HRH1: variants seen among roughly 807,000 people sequenced by gnomAD.
HRH1 encodes histamine H1 receptor.
HRH1 carries 6 observed loss-of-function variants against 10.3 expected under a neutral mutation model. The observed-to-expected ratio is 0.58, with a 90% CI of 0.32 to 1.15. HRH1 has a LOEUF of 1.15. Ranked by LOEUF, HRH1 falls within the 50% of genes most tolerant of loss-of-function variation. The probability of loss-of-function intolerance (pLI) is 0.05; values close to 1 mark genes in which losing one functional copy is unlikely to be tolerated. For missense variants in HRH1, 514 were observed against 615.3 expected (o/e 0.84, Z 1.74); for synonymous variants, 242 against 236.7 (o/e 1.02, Z -0.21).
chr3:11,230,339 T>C (rs1175227863), intron 1 of HRH1, among the ~76,000 whole-genome samples: 1 of 152,188 alleles, frequency 6.6e-6, no homozygotes, highest in East Asian at 1.9e-4. Context: ...AAGAGGCAGC[T>C]TGCTGCTGGA....
Position 11,259,218 on chromosome 3 carries a change from G to A in HRH1, c.181G>A (p.Val61Met). Residue 61 changes from valine to methionine, a missense_variant, in exon 2 of 2, where the codon GTG (valine) becomes ATG (methionine). By Grantham distance (21) the Val-to-Met change is conservative. Coordinates refer to ENST00000431010, the MANE Select transcript of HRH1 (RefSeq NM_001098212.2). The surrounding 1 kb of genome is among the most constrained non-coding windows in gnomAD (Gnocchi z 4.6). ...ACGGAGTGAGCGGAAGCTCCACACT[G>A]TGGGGAACCTGTACATCGTCAGCCT... Reference protein sequence around the residue: ...AVRSERKLHTVGNLYIVSLSV... With the variant: ...AVRSERKLHTMGNLYIVSLSV... 6.2e-7 allele frequency: 1 copy of A among 1,613,802 alleles called. No individual in the cohort carries two copies. The highest frequency in any genetic ancestry group is 8.5e-7 in the Non-Finnish European group (1 of 1,179,968).
upstream of HRH1, among the ~76,000 whole-genome samples, chr3:11,153,507 C>T (rs576731286): frequency 6.6e-6 from 1 of 151,418 alleles, no homozygotes; most frequent in South Asian, 2.1e-4. Context: ...ACCCCCACAC[C>T]CCAACCCACC....
At chr3:11,184,091 G>C (rs1311140042) in intron 1 of HRH1, among the ~76,000 whole-genome samples, 2 of 152,054 alleles carry the variant, frequency 1.3e-5, no homozygotes, top group African/African-American at 4.8e-5. Flanking sequence ...TGCTCAGGCA[G>C]AGGGTGCCAA....
chr3:11,173,719 G>T (rs2125013822), intron 1 of HRH1, among the ~76,000 whole-genome samples: 1 of 152,194 alleles, frequency 6.6e-6, no homozygotes, highest in Non-Finnish European at 1.5e-5. Context: ...GAATTTATTT[G>T]ATCTTGGAGT....
intron 1 of HRH1, among the ~76,000 whole-genome samples, chr3:11,169,815 C>T (rs958013190): frequency 6.6e-6 from 1 of 152,224 alleles, no homozygotes; most frequent in Non-Finnish European, 1.5e-5. Context: ...CAGACAAGAA[C>T]TGCTCTGTTT....
At chr3:11,155,878 C>A (rs1397147612) in intron 1 of HRH1, among the ~76,000 whole-genome samples, 3 of 152,158 alleles carry the variant, frequency 2.0e-5, no homozygotes, top group Admixed American at 2.0e-4. Context: ...CCCATCACAG[C>A]ATTCTTGGAA....
intron 1 of HRH1, among the ~76,000 whole-genome samples, chr3:11,138,989 C>CTTTTTTT (rs35542980): frequency 7.1e-6 from 1 of 140,080 alleles, no homozygotes; most frequent in Non-Finnish European, 1.6e-5. Context: ...CTGCATTGTT[C>CTTTTTTT]TTTTTTTTTT....
intron 1 of HRH1, among the ~76,000 whole-genome samples, chr3:11,254,775 A>C (rs1453787951): frequency 6.6e-6 from 1 of 152,240 alleles, no homozygotes; most frequent in Non-Finnish European, 1.5e-5. Flanking sequence ...CATAGGCAGA[A>C]AATTCCTCAG....
intron 1 of HRH1, among the ~76,000 whole-genome samples, chr3:11,161,500 G>A (rs1936921366): frequency 6.6e-6 from 1 of 152,194 alleles, no homozygotes; most frequent in African/African-American, 2.4e-5. Context: ...GGACGTGATT[G>A]TTGATCCCAG....
rs139260163 is a variant in HRH1, at chr3:11,207,438, C to T, written c.-35-51565C>T. Among the ~76,000 whole-genome samples the T allele has an allele frequency of 6.0e-3, 916 of 152,016 alleles. 7 individuals are homozygous for T. The highest frequency in any genetic ancestry group is 0.02 in the Middle Eastern group (6 of 294). On this transcript the variant is annotated intron_variant, in intron 1 of 1. Coordinates refer to ENST00000431010, the MANE Select transcript of HRH1 (RefSeq NM_001098212.2). ...ACAAAAAATTAGCCGGGTGTGGTGG[C>T]GGCGCCTGTAGTCCTAGCTGCTCAG...
chr3:11,192,044 C>T (rs1574999312), intron 1 of HRH1, among the ~76,000 whole-genome samples: 1 of 152,186 alleles, frequency 6.6e-6, no homozygotes, highest in East Asian at 1.9e-4. Flanking sequence ...TGGGTTTCAT[C>T]CTGACTCCCA....
At chr3:11,174,798 G>A (rs1379214688) in intron 1 of HRH1, among the ~76,000 whole-genome samples, 3 of 152,158 alleles carry the variant, frequency 2.0e-5, no homozygotes, top group Admixed American at 1.3e-4. Context: ...CCACAGCCTC[G>A]GGATTCAGCT....
At chr3:11,224,514 G>T (rs1338833882) in intron 1 of HRH1, among the ~76,000 whole-genome samples, 1 of 152,128 alleles carries the variant, frequency 6.6e-6, no homozygotes, top group African/African-American at 2.4e-5. Context: ...TGGCTAACAC[G>T]GTGAAACCCG....
chr3:11,204,648 G>T (rs558631228), intron 1 of HRH1, among the ~76,000 whole-genome samples: 1 of 152,192 alleles, frequency 6.6e-6, no homozygotes. Flanking sequence ...CTACGTGTTA[G>T]GTGCTTTACC....
At chr3:11,151,419 A>G (rs1936618590), upstream of HRH1, among the ~76,000 whole-genome samples, 1 of 152,206 alleles carries the variant, frequency 6.6e-6, no homozygotes. Flanking sequence ...TTCATTCAAG[A>G]ACACTTTATA....
intron 1 of HRH1, chr3:11,234,647 T>A: frequency 1.5e-6 from 2 of 1,349,402 alleles, no homozygotes; most frequent in Non-Finnish European, 2.1e-6. Flanking sequence ...ATAAATATGA[T>A]TCGATCCTTC....
chr3:11,215,798 A>C (rs1206454598), intron 1 of HRH1, among the ~76,000 whole-genome samples: 1 of 152,248 alleles, frequency 6.6e-6, no homozygotes, highest in East Asian at 1.9e-4. Flanking sequence ...TCAGTGAATC[A>C]GTTAAGTGAA....
At chr3:11,151,444 T>A (rs1312365309), upstream of HRH1, among the ~76,000 whole-genome samples, 1 of 152,204 alleles carries the variant, frequency 6.6e-6, no homozygotes, top group East Asian at 1.9e-4. Context: ...AAGCCATTTA[T>A]AATTGGGTTT....
At chr3:11,207,504 G>A (rs1423096822) in intron 1 of HRH1, among the ~76,000 whole-genome samples, 1 of 152,042 alleles carries the variant, frequency 6.6e-6, no homozygotes, top group African/African-American at 2.4e-5. Flanking sequence ...GGGAGGCGGA[G>A]CTTGCAGTGA....
Sources: gnomAD v4.1 joint callset for allele counts (sites outside exome capture counted in the v4.1 genomes callset) on GRCh38, gnomAD v4.1.1 for gene constraint, Gnocchi (gnomAD v3.1) non-coding constraint, MANE v1.5 for transcripts, NCBI Gene and HGNC (gene_info 2026-07-23, HGNC 2026-07-21) for gene names.